Variants in TAFA4 observed in about 807,000 individuals in gnomAD.
TAFA4 encodes the protein TAFA chemokine like family member 4.
TAFA4 carries 20 observed loss-of-function variants against 21.1 expected under a neutral mutation model. The ratio of observed to expected loss-of-function variants is 0.95; its 90% CI spans 0.67 to 1.38. The LOEUF is 1.38. Among genes scored for constraint, TAFA4 ranks in the 40% most tolerant of loss-of-function variants. The pLI is 0.00. For synonymous variants in TAFA4, 71 were observed against 67.4 expected, an observed-to-expected ratio of 1.05 and a Z score of -0.26; for missense variants, 211 against 180.9, an observed-to-expected ratio of 1.17 and a Z score of -0.95.
At chr3:68,735,998 C>A (rs1018323116) in intron 5 of TAFA4, among the ~76,000 whole-genome samples, 1 of 151,976 alleles carries the variant, frequency 6.6e-6, no homozygotes, top group South Asian at 2.1e-4. Context: ...TACTCAGGGG[C>A]AAAATTGTCT....
chr3:68,919,003 C>T (rs990254091), intron 1 of TAFA4, among the ~76,000 whole-genome samples: 9 of 152,152 alleles, frequency 5.9e-5, no homozygotes, highest in African/African-American at 1.7e-4. Flanking sequence ...TCTGTAAGAA[C>T]GAAATTCCAA....
chr3:68,868,828 A>G (rs12636124), intron 3 of TAFA4, among the ~76,000 whole-genome samples: 5,966 of 152,026 alleles, frequency 0.039, 223 homozygotes, highest in East Asian at 0.12. Flanking sequence ...CATCTCAGTA[A>G]ACTAGAAGAC....
chr3:68,930,243 C>A (rs2090147011), intron 1 of TAFA4, among the ~76,000 whole-genome samples: 1 of 152,046 alleles, frequency 6.6e-6, no homozygotes, highest in Non-Finnish European at 1.5e-5. Context: ...TATTCTAGTA[C>A]TAGAAATATA....
intron 1 of TAFA4, among the ~76,000 whole-genome samples, chr3:68,924,536 G>T (rs1002515529): frequency 2.6e-5 from 4 of 152,178 alleles, no homozygotes; most frequent in African/African-American, 9.7e-5. Context: ...CCACGAAAAA[G>T]GTTCTGTGGA....
At chr3:68,797,711 A>G (rs1442588783) in intron 3 of TAFA4, among the ~76,000 whole-genome samples, 1 of 152,138 alleles carries the variant, frequency 6.6e-6, no homozygotes, top group Non-Finnish European at 1.5e-5. Flanking sequence ...GGTCACAAAA[A>G]GAAAAATACC....
At chr3:68,834,386 G>T (rs1704473201) in intron 3 of TAFA4, among the ~76,000 whole-genome samples, 1 of 151,912 alleles carries the variant, frequency 6.6e-6, no homozygotes, top group Non-Finnish European at 1.5e-5. Flanking sequence ...TAACTTTTTT[G>T]TTAATTTATC....
At chr3:68,851,320 C>T (rs1418718745) in intron 3 of TAFA4, among the ~76,000 whole-genome samples, 1 of 152,068 alleles carries the variant, frequency 6.6e-6, no homozygotes, top group Non-Finnish European at 1.5e-5. Flanking sequence ...AGGGGAACAA[C>T]ACACACTAGA....
At chr3:68,795,047 C>T (rs1376613246) in intron 3 of TAFA4, among the ~76,000 whole-genome samples, 1 of 149,694 alleles carries the variant, frequency 6.7e-6, no homozygotes, top group South Asian at 2.1e-4. Flanking sequence ...GACACACAGT[C>T]TTTTTGTCCT....
chr3:68,771,470 G>T (rs557225943), intron 3 of TAFA4, among the ~76,000 whole-genome samples: 1 of 152,186 alleles, frequency 6.6e-6, no homozygotes, highest in Non-Finnish European at 1.5e-5. Flanking sequence ...TGAGCAGCGG[G>T]GCACTGAAAA....
intron 3 of TAFA4, among the ~76,000 whole-genome samples, chr3:68,808,379 A>G (rs1048014587): frequency 6.6e-6 from 1 of 152,202 alleles, no homozygotes; most frequent in East Asian, 1.9e-4. Flanking sequence ...CAGTTGTCCT[A>G]GAATGAAGCA....
chr3:68,770,576 C>A (rs946183825), intron 3 of TAFA4, among the ~76,000 whole-genome samples: 1 of 152,024 alleles, frequency 6.6e-6, no homozygotes, highest in Non-Finnish European at 1.5e-5. Context: ...TAGAAATATA[C>A]AAGGAATTTC....
intron 3 of TAFA4, among the ~76,000 whole-genome samples, chr3:68,854,731 T>A (rs974163665): frequency 6.6e-6 from 1 of 152,116 alleles, no homozygotes; most frequent in African/African-American, 2.4e-5. Context: ...TTTTATTAGT[T>A]TTTTTAATTT....
At chr3:68,759,426 G>A (rs1702720135) in intron 3 of TAFA4, among the ~76,000 whole-genome samples, 1 of 152,088 alleles carries the variant, frequency 6.6e-6, no homozygotes, top group Non-Finnish European at 1.5e-5. Context: ...TTGTAGGATG[G>A]GAGAAAAATG....
chr3:68,785,407 G>A (rs925513636), intron 3 of TAFA4, among the ~76,000 whole-genome samples: 2 of 152,258 alleles, frequency 1.3e-5, no homozygotes, highest in Middle Eastern at 3.2e-3. Flanking sequence ...GGAGCCCACA[G>A]AGGAGCAGGG....
At chr3:68,738,557 T>C (rs1366868311) in intron 5 of TAFA4, among the ~76,000 whole-genome samples, 1 of 152,154 alleles carries the variant, frequency 6.6e-6, no homozygotes, top group African/African-American at 2.4e-5. Flanking sequence ...TGTAACCAAC[T>C]GAACATAGGA....
At chr3:68,778,717 G>T (rs1254428999) in intron 3 of TAFA4, among the ~76,000 whole-genome samples, 2 of 152,188 alleles carry the variant, frequency 1.3e-5, no homozygotes, top group East Asian at 3.8e-4. Context: ...TGATTGTGAG[G>T]CTTCCCCAGC....
intron 3 of TAFA4, among the ~76,000 whole-genome samples, chr3:68,850,386 G>A (rs1020414297): frequency 1.5e-4 from 23 of 152,212 alleles, no homozygotes; most frequent in South Asian, 6.2e-4. Flanking sequence ...CTTAGTGAGG[G>A]ACAAAACAGA....
chr3:68,760,621 T>G (rs986033682), intron 3 of TAFA4, among the ~76,000 whole-genome samples: 3 of 152,178 alleles, frequency 2.0e-5, no homozygotes, highest in African/African-American at 7.2e-5. Context: ...TGTATGGCAT[T>G]TTCAGCCTAT....
At chr3:68,858,099 G>A (rs184811182) in intron 3 of TAFA4, among the ~76,000 whole-genome samples, 14 of 152,136 alleles carry the variant, frequency 9.2e-5, no homozygotes, top group African/African-American at 1.7e-4. Context: ...TGGCAGTGTC[G>A]CCATCTTTCC....
Sources: gnomAD v4.1 joint callset for allele counts (sites outside exome capture counted in the v4.1 genomes callset) on GRCh38, gnomAD v4.1.1 for gene constraint, MANE v1.5 for transcripts, NCBI Gene and HGNC (gene_info 2026-07-23, HGNC 2026-07-21) for gene names.